The following CCDC169 variants were observed in gnomAD, a reference collection of about 807,000 sequenced individuals.
CCDC169 encodes coiled-coil domain containing 169.
A neutral mutation model predicts 36.0 loss-of-function variants in CCDC169; 30 were observed. The observed-to-expected ratio is 0.83, with a 90% CI of 0.62 to 1.13. The LOEUF (loss-of-function observed/expected upper bound fraction) is 1.13, where lower values mean the gene tolerates loss of function less well. Among genes scored for constraint, CCDC169 ranks in the 50% most tolerant of loss-of-function variants. The pLI is 0.00. For synonymous variants in CCDC169, 85 were observed against 81.5 expected (o/e 1.04, Z -0.23); for missense variants, 245 against 245.9 (o/e 1.00, Z 0.03).
At chr13:36,269,393 G>A (rs1483323125) in intron 4 of CCDC169, among the ~76,000 whole-genome samples, 1 of 152,154 alleles carries the variant, frequency 6.6e-6, no homozygotes, top group East Asian at 1.9e-4. Context: ...AAAAGACTGA[G>A]AAAGAGGGAA....
chr13:36,246,425 A>G (rs776380447), intron 7 of CCDC169, among the ~76,000 whole-genome samples: 1 of 152,234 alleles, frequency 6.6e-6, no homozygotes, highest in Non-Finnish European at 1.5e-5. Context: ...TGGATAGAAG[A>G]CCAAAGAAAC....
At chr13:36,291,872 A>T (rs913911748) in intron 2 of CCDC169, among the ~76,000 whole-genome samples, 9 of 152,150 alleles carry the variant, frequency 5.9e-5, no homozygotes, top group Non-Finnish European at 8.8e-5. Flanking sequence ...AATATATTGG[A>T]TTTATTAATA....
chr13:36,285,989 C>T (rs781094727), intron 2 of CCDC169, among the ~76,000 whole-genome samples: 10 of 152,170 alleles, frequency 6.6e-5, no homozygotes, highest in African/African-American at 1.4e-4. Context: ...TACTGGACCT[C>T]GCTTTTGTTA....
At chr13:36,269,851 C>T (rs1875803409) in intron 4 of CCDC169, among the ~76,000 whole-genome samples, 1 of 152,152 alleles carries the variant, frequency 6.6e-6, no homozygotes, top group South Asian at 2.1e-4. Context: ...AGCATTCTCC[C>T]TGAGAACAGG....
intron 4 of CCDC169, chr13:36,281,248 A>C: frequency 2.2e-6 from 1 of 451,016 alleles, no homozygotes; most frequent in Non-Finnish European, 4.4e-6. Context: ...CTGGACTGCA[A>C]ACCTCATACT....
At chr13:36,282,237 T>G (rs1877624644) in intron 4 of CCDC169, among the ~76,000 whole-genome samples, 1 of 152,144 alleles carries the variant, frequency 6.6e-6, no homozygotes, top group South Asian at 2.1e-4. Flanking sequence ...AGCAACTAAT[T>G]TAAGCCCTTT....
At chr13:36,240,109 C>G (rs1314780339) in intron 7 of CCDC169, among the ~76,000 whole-genome samples, 1 of 152,018 alleles carries the variant, frequency 6.6e-6, no homozygotes, top group African/African-American at 2.4e-5. Flanking sequence ...TGGAATGTAT[C>G]TCTCTTGGGT....
At chr13:36,261,564 C>CA (rs1250980307) in intron 4 of CCDC169, among the ~76,000 whole-genome samples, 4 of 151,962 alleles carry the variant, frequency 2.6e-5, no homozygotes, top group African/African-American at 7.3e-5. Flanking sequence ...TCCTTTAGGC[C>CA]AAAAAAACAA....
At chr13:36,231,395 C>A (rs976890035) in intron 7 of CCDC169, 103 bp from the exon 8 acceptor site, 19 of 1,112,592 alleles carry the variant, frequency 1.7e-5, no homozygotes, top group Non-Finnish European at 2.4e-5. Flanking sequence ...CTTGTTCCCC[C>A]CAACAGACCT....
At chr13:36,254,690 A>G (rs927410350) in intron 4 of CCDC169, among the ~76,000 whole-genome samples, 1 of 152,166 alleles carries the variant, frequency 6.6e-6, no homozygotes, top group Non-Finnish European at 1.5e-5. Context: ...TCTTTATTTG[A>G]AAAACGGTAT....
At chr13:36,254,239 C>T (rs1292808253) in intron 4 of CCDC169, 96 bp from the exon 5 acceptor site, 3 of 723,502 alleles carry the variant, frequency 4.1e-6, no homozygotes, top group Admixed American at 7.3e-5. Context: ...CCTTGTATAC[C>T]TAATATTTTG....
At chr13:36,231,866 T>C (rs1003171494) in intron 7 of CCDC169, among the ~76,000 whole-genome samples, 6 of 152,312 alleles carry the variant, frequency 3.9e-5, no homozygotes, top group African/African-American at 1.2e-4. Context: ...TTCTCATATA[T>C]TGTAATTTTG....
intron 7 of CCDC169, among the ~76,000 whole-genome samples, chr13:36,247,416 T>C (rs2183049): frequency 0.41 from 61,628 of 152,010 alleles, 13,274 homozygotes; most frequent in Non-Finnish European, 0.48. Flanking sequence ...CTCTGATGGG[T>C]CTGGAAGAAA....
chr13:36,266,558 T>C (rs1170965763), intron 4 of CCDC169, among the ~76,000 whole-genome samples: 1 of 152,174 alleles, frequency 6.6e-6, no homozygotes, highest in African/African-American at 2.4e-5. Context: ...ACTCTCACAA[T>C]TAGGTCTTTA....
chr13:36,248,712 C>T (rs9315403), intron 6 of CCDC169, 30 bp from the exon 7 acceptor site: 710,739 of 1,533,488 alleles, frequency 0.46, 167,400 homozygotes, highest in Non-Finnish European at 0.48. Context: ...GTGTTTATCC[C>T]CTTGGTTCAT....
chr13:36,283,247 T>C (rs1243709684), intron 4 of CCDC169: 8 of 575,716 alleles, frequency 1.4e-5, no homozygotes, highest in Non-Finnish European at 2.1e-5. Flanking sequence ...GCAATATCTA[T>C]ACATGCTCTG....
At chr13:36,259,273 G>A (rs191159754) in intron 4 of CCDC169, among the ~76,000 whole-genome samples, 31 of 152,248 alleles carry the variant, frequency 2.0e-4, no homozygotes, top group African/African-American at 7.5e-4. Context: ...CCATCTTGTC[G>A]TGGCTTCCCT....
At position 36,231,154 on chromosome 13, in the gene CCDC169, A is replaced by G; in HGVS notation, c.*39T>C. The G allele has an allele frequency of 7.0e-7, 1 of 1,429,828 alleles. No homozygotes were observed. The highest frequency in any genetic ancestry group is 9.2e-7 in the Non-Finnish European group (1 of 1,083,754). The allele number at this position is 1,429,828 out of a possible 1,614,324, so 88.6% of individuals were successfully genotyped here. On this transcript the variant is annotated 3_prime_UTR_variant, in exon 8 of 8. Transcript: ENST00000239859. ...TTATAACTTGAATATTATAAATGGAAAAAAAAAGGAAGAAATAGAAATCCA... is the reference window on the plus strand; with the variant it reads ...TTATAACTTGAATATTATAAATGGAGAAAAAAAGGAAGAAATAGAAATCCA...
intron 2 of CCDC169, among the ~76,000 whole-genome samples, chr13:36,286,482 T>C (rs891425944): frequency 1.3e-5 from 2 of 152,142 alleles, no homozygotes; most frequent in Non-Finnish European, 2.9e-5. Context: ...CTCAGTTGCC[T>C]GGGGGAGCCA....
Sources: allele counts gnomAD v4.1 joint callset (sites outside exome capture counted in the v4.1 genomes callset), GRCh38; gene constraint gnomAD v4.1.1; transcripts MANE v1.5; gene names NCBI Gene and HGNC (gene_info 2026-07-23, HGNC 2026-07-21).